The following PHTF2 variants were observed in gnomAD, a reference collection of about 807,000 sequenced individuals.
The protein encoded by PHTF2 is protein PHTF2.
PHTF2 carries 60 observed loss-of-function variants against 101.2 expected under a neutral mutation model. The ratio of observed to expected loss-of-function variants is 0.59; its 90% confidence interval spans 0.48 to 0.73. PHTF2 has a LOEUF of 0.73. Ranked by LOEUF, PHTF2 falls within the 30% of genes least tolerant of loss-of-function variation. PHTF2 has a pLI of 0.00. For missense variants in PHTF2, 747 were observed against 908.7 expected (o/e 0.82, Z 2.29); for synonymous variants, 311 against 307.3 (o/e 1.01, Z -0.13).
At chr7:77,873,221 T>C (rs2150723288) in intron 3 of PHTF2, among the ~76,000 whole-genome samples, 1 of 152,148 alleles carries the variant, frequency 6.6e-6, no homozygotes, top group East Asian at 1.9e-4. Context: ...GCCACTGTGC[T>C]CGGCCTAGAA....
chr7:77,915,951 G>A (rs934694206), intron 9 of PHTF2, among the ~76,000 whole-genome samples: 2 of 150,578 alleles, frequency 1.3e-5, no homozygotes, highest in Admixed American at 6.7e-5. Flanking sequence ...TGCATGAATT[G>A]TAAATATCAG....
At chr7:77,954,695 T>A (rs1017848857) in intron 19 of PHTF2, among the ~76,000 whole-genome samples, 163 bp from the exon 19 acceptor site, 1 of 147,124 alleles carries the variant, frequency 6.8e-6, no homozygotes, top group Non-Finnish European at 1.5e-5. Context: ...ACATTTTTGT[T>A]TGTGTTTAAG....
chr7:77,827,478 T>C (rs1054156634), intron 1 of PHTF2, among the ~76,000 whole-genome samples: 4 of 152,098 alleles, frequency 2.6e-5, no homozygotes, highest in East Asian at 1.9e-4. Flanking sequence ...TTCATCCTCC[T>C]GAGTAGCTGG....
chr7:77,954,036 A>G (rs1806773402), intron 19 of PHTF2, 142 bp downstream of exon 18: 2 of 647,702 alleles, frequency 3.1e-6, no homozygotes, highest in East Asian at 2.8e-5. Context: ...TCAAAGAATT[A>G]TATGTATTTA....
chr7:77,861,146 T>A (rs1214438848), intron 3 of PHTF2, among the ~76,000 whole-genome samples: 1 of 152,084 alleles, frequency 6.6e-6, no homozygotes, highest in Non-Finnish European at 1.5e-5. Flanking sequence ...TTTCTTTTTT[T>A]ATTTTTATTT....
At chr7:77,850,398 C>T (rs1458827588) in intron 2 of PHTF2, among the ~76,000 whole-genome samples, 1 of 137,480 alleles carries the variant, frequency 7.3e-6, no homozygotes, top group Non-Finnish European at 1.5e-5. Flanking sequence ...CACGATGGCT[C>T]ACACCCTAAG....
chr7:77,915,452 C>T (rs1321510354), intron 9 of PHTF2, among the ~76,000 whole-genome samples: 2 of 152,028 alleles, frequency 1.3e-5, no homozygotes, highest in Non-Finnish European at 2.9e-5. Flanking sequence ...ACCTCACGAT[C>T]CGCCCACCTC....
intron 1 of PHTF2, among the ~76,000 whole-genome samples, chr7:77,824,154 GA>G (rs1794524208): frequency 6.6e-6 from 1 of 152,088 alleles, no homozygotes; most frequent in African/African-American, 2.4e-5. Flanking sequence ...ATAGTGGTGG[GA>G]GGTGGGAAAG....
At chr7:77,957,345 C>A (rs996654578) in exon 20 of PHTF2, 12 of 151,776 alleles carry the variant, frequency 7.9e-5, no homozygotes, top group Non-Finnish European at 1.3e-4. Context: ...AACTTTCCAA[C>A]ATTTTAGATT....
chr7:77,816,185 G>T (rs184468064), intron 1 of PHTF2, among the ~76,000 whole-genome samples: 8 of 151,706 alleles, frequency 5.3e-5, no homozygotes, highest in Non-Finnish European at 8.8e-5. Context: ...AGTGATTCTC[G>T]TGCCTCAGTC....
At chr7:77,868,148 G>GT (rs992074045) in intron 3 of PHTF2, among the ~76,000 whole-genome samples, 80 of 148,472 alleles carry the variant, frequency 5.4e-4, no homozygotes, top group East Asian at 4.0e-3. Context: ...TGGATCTTTT[G>GT]TTTTTTTTTT....
chr7:77,806,821 T>C (rs1793021873), intron 1 of PHTF2, among the ~76,000 whole-genome samples: 1 of 152,180 alleles, frequency 6.6e-6, no homozygotes, highest in African/African-American at 2.4e-5. Context: ...TAGTTTTGTT[T>C]GTAGTAGCTA....
intron 3 of PHTF2, among the ~76,000 whole-genome samples, chr7:77,876,108 GATT>G (rs1159674531): frequency 1.3e-5 from 2 of 152,086 alleles, no homozygotes; most frequent in Admixed American, 6.5e-5. Flanking sequence ...ACTTAACAGT[GATT>G]CCACTCCCCA....
At chr7:77,829,761 G>A (rs924441862) in intron 1 of PHTF2, among the ~76,000 whole-genome samples, 2 of 152,142 alleles carry the variant, frequency 1.3e-5, no homozygotes, top group African/African-American at 2.4e-5. Flanking sequence ...TTTAACTTTA[G>A]CATTTAGGAA....
chr7:77,858,414 T>C (rs1292139119), intron 3 of PHTF2, among the ~76,000 whole-genome samples: 1 of 152,180 alleles, frequency 6.6e-6, no homozygotes, highest in Admixed American at 6.5e-5. Context: ...TTTTGCTTTA[T>C]AGGCAAGAAA....
intron 1 of PHTF2, among the ~76,000 whole-genome samples, chr7:77,799,303 C>T (rs1327904781): frequency 6.6e-6 from 1 of 152,220 alleles, no homozygotes; most frequent in Non-Finnish European, 1.5e-5. Context: ...CTTCCAGGCC[C>T]CTGTCCTTTG....
intron 3 of PHTF2, among the ~76,000 whole-genome samples, chr7:77,859,800 C>T (rs1447688326): frequency 6.6e-6 from 1 of 152,074 alleles, no homozygotes; most frequent in Non-Finnish European, 1.5e-5. Flanking sequence ...GCCTTGAACT[C>T]TTGGGCTGAA....
chr7:77,892,421 A>C (rs1800517573), intron 3 of PHTF2, among the ~76,000 whole-genome samples: 1 of 152,228 alleles, frequency 6.6e-6, no homozygotes, highest in Non-Finnish European at 1.5e-5. Flanking sequence ...AGATATAAAA[A>C]ATAATGTGTA....
At chr7:77,807,349 ATCT>A (rs1793072629) in intron 1 of PHTF2, among the ~76,000 whole-genome samples, 1 of 151,126 alleles carries the variant, frequency 6.6e-6, no homozygotes, top group Non-Finnish European at 1.5e-5. Context: ...GTTGTTCCAC[ATCT>A]TCATCAATAT....
Sources: gnomAD v4.1 joint callset for allele counts (sites outside exome capture counted in the v4.1 genomes callset) on GRCh38, gnomAD v4.1.1 for gene constraint, MANE v1.5 for transcripts, NCBI Gene and HGNC (gene_info 2026-07-23, HGNC 2026-07-21) for gene names.